Variants in RCAN2 observed in about 807,000 individuals in gnomAD.
RCAN2 encodes regulator of calcineurin 2, also known as calcipressin-2.
RCAN2 carries 9 observed loss-of-function variants against 23.6 expected under a neutral mutation model. The observed-to-expected ratio is 0.38, with a 90% confidence interval of 0.23 to 0.67. The LOEUF is 0.67. Among genes scored for constraint, RCAN2 ranks in the 30% least tolerant of loss-of-function variants. The pLI, the probability that RCAN2 is intolerant of heterozygous loss-of-function variation, is 0.51. For missense variants in RCAN2, 273 were observed against 302.3 expected (o/e 0.90, Z 0.72); for synonymous variants, 109 against 115.7 (o/e 0.94, Z 0.37).
In RCAN2 at chr6:46,268,063, A is replaced by T. The variant is rs569623949; in HGVS notation, c.226-19167T>A. ...CATATATGCAATAAACAAAAAATAAATTTACAAGAACAGTTAGTGACTCTC... is the reference window on the plus strand; with the variant it reads ...CATATATGCAATAAACAAAAAATAATTTTACAAGAACAGTTAGTGACTCTC... On this transcript the variant is annotated intron_variant, in intron 2 of 4. Coordinates refer to ENST00000371374, the MANE Select transcript of RCAN2 (RefSeq NM_001251974.2). Among the ~76,000 whole-genome samples the T allele has an allele frequency of 3.9e-5, 6 of 152,328 alleles. No homozygotes were observed. The South Asian group carries it at 1.2e-3, about 32-fold the overall frequency.
chr6:46,227,761 G>C (rs1398462335), intron 4 of RCAN2, among the ~76,000 whole-genome samples: 4 of 152,038 alleles, frequency 2.6e-5, no homozygotes, highest in South Asian at 2.1e-4. Flanking sequence ...TTTTTTGAAG[G>C]GTTTTTTTGT....
intron 4 of RCAN2, among the ~76,000 whole-genome samples, chr6:46,239,881 T>C (rs543335597): frequency 6.6e-6 from 1 of 152,062 alleles, no homozygotes; most frequent in African/African-American, 2.4e-5. Flanking sequence ...CCAAAGTACT[T>C]TATGGGATCA....
At chr6:46,444,869 A>T (rs957793048) in intron 2 of RCAN2, among the ~76,000 whole-genome samples, 2 of 152,054 alleles carry the variant, frequency 1.3e-5, no homozygotes, top group Non-Finnish European at 2.9e-5. Context: ...GCCTCCCTTC[A>T]TGTACTTAGC....
chr6:46,335,666 T>C (rs1397174473), intron 2 of RCAN2, among the ~76,000 whole-genome samples: 2 of 152,184 alleles, frequency 1.3e-5, no homozygotes, highest in Non-Finnish European at 1.5e-5. Flanking sequence ...AAAGACAACC[T>C]TGGTAGGGAT....
intron 2 of RCAN2, among the ~76,000 whole-genome samples, chr6:46,413,423 A>G (rs993360356): frequency 5.9e-5 from 9 of 152,158 alleles, no homozygotes; most frequent in Non-Finnish European, 1.3e-4. Flanking sequence ...TTTTTATGTG[A>G]AATTCCCTTC....
chr6:46,362,426 A>G (rs916258760), intron 2 of RCAN2, among the ~76,000 whole-genome samples: 1 of 152,098 alleles, frequency 6.6e-6, no homozygotes, highest in Non-Finnish European at 1.5e-5. Context: ...ATATAATATA[A>G]GGTATTATAA....
At chr6:46,312,499 C>G (rs971981509) in intron 2 of RCAN2, among the ~76,000 whole-genome samples, 2 of 152,138 alleles carry the variant, frequency 1.3e-5, no homozygotes, top group Non-Finnish European at 1.5e-5. Flanking sequence ...AGGGCAGGAA[C>G]CAGGGTTTGG....
chr6:46,224,161 G>T (rs1765569449), intron 4 of RCAN2, among the ~76,000 whole-genome samples: 1 of 152,160 alleles, frequency 6.6e-6, no homozygotes, highest in African/African-American at 2.4e-5. Flanking sequence ...ACTGGCAGCT[G>T]ATCTGGGTCT....
At chr6:46,488,539 CTAAAA>C (rs1769055082) in intron 1 of RCAN2, among the ~76,000 whole-genome samples, 1 of 152,184 alleles carries the variant, frequency 6.6e-6, no homozygotes, top group African/African-American at 2.4e-5. Flanking sequence ...TCCTTCTTCT[CTAAAA>C]GCAACCTTAC....
chr6:46,450,497 T>C (rs1767844149), intron 2 of RCAN2, among the ~76,000 whole-genome samples: 1 of 152,076 alleles, frequency 6.6e-6, no homozygotes, highest in Admixed American at 6.5e-5. Context: ...TGCTCTCCAT[T>C]ATTCATCGCA....
chr6:46,229,640 C>T (rs1052524153), intron 4 of RCAN2, among the ~76,000 whole-genome samples: 2 of 152,192 alleles, frequency 1.3e-5, no homozygotes, highest in South Asian at 2.1e-4. Context: ...AACGTCTTCT[C>T]TATGCTGTTT....
chr6:46,281,182 A>C (rs1767899392), intron 2 of RCAN2, among the ~76,000 whole-genome samples: 1 of 152,160 alleles, frequency 6.6e-6, no homozygotes, highest in Admixed American at 6.5e-5. Flanking sequence ...GGCAGTAGGG[A>C]ATTAGCTTGA....
chr6:46,350,561 G>A (rs1311169826), intron 2 of RCAN2, among the ~76,000 whole-genome samples: 1 of 152,174 alleles, frequency 6.6e-6, no homozygotes, highest in Non-Finnish European at 1.5e-5. Flanking sequence ...CTGGGCATTT[G>A]GCTCTATGTG....
intron 2 of RCAN2, among the ~76,000 whole-genome samples, chr6:46,447,505 C>A (rs1767750345): frequency 6.6e-6 from 1 of 151,872 alleles, no homozygotes; most frequent in Non-Finnish European, 1.5e-5. Flanking sequence ...ACCTAACAGA[C>A]ATATACAAAA....
chr6:46,288,077 C>T (rs1762428783), intron 2 of RCAN2, among the ~76,000 whole-genome samples: 1 of 152,112 alleles, frequency 6.6e-6, no homozygotes, highest in Non-Finnish European at 1.5e-5. Context: ...GAGCGTTCTT[C>T]CTAATTAAGG....
chr6:46,422,245 C>T lies in RCAN2; in HGVS notation c.225+34507G>A, dbSNP rs145273766. ...AAAAAGAGCCTGGCACCTCCCCGGC[C>T]CAGCCCTCTCTGGCCTCCTTTCTAG... On this transcript the variant is annotated intron_variant, in intron 2 of 4. Coordinates refer to ENST00000371374, the MANE Select transcript of RCAN2 (RefSeq NM_001251974.2). Among the ~76,000 whole-genome samples, 968 of 152,238 alleles carry T rather than the reference C, an allele frequency of 6.4e-3. 10 individuals carry two copies. Among genetic ancestry groups the T allele is most frequent in the African/African-American group, 0.022 (929 of 41,514 alleles).
chr6:46,325,133 C>T (rs962302904), intron 2 of RCAN2, among the ~76,000 whole-genome samples: 1 of 152,164 alleles, frequency 6.6e-6, no homozygotes, highest in African/African-American at 2.4e-5. Context: ...AATGTGTCTA[C>T]TCAGAAAGGA....
At chr6:46,417,919 A>T (rs1447576660) in intron 2 of RCAN2, among the ~76,000 whole-genome samples, 1 of 152,228 alleles carries the variant, frequency 6.6e-6, no homozygotes, top group Non-Finnish European at 1.5e-5. Context: ...GAGAAAACTG[A>T]GGCTTAGATT....
chr6:46,275,719 G>A (rs1767672804), intron 2 of RCAN2, among the ~76,000 whole-genome samples: 1 of 152,180 alleles, frequency 6.6e-6, no homozygotes, highest in South Asian at 2.1e-4. Context: ...TGAGACACAG[G>A]CTCTTCTCCA....
Sources: gnomAD v4.1 joint callset for allele counts (sites outside exome capture counted in the v4.1 genomes callset) on GRCh38, gnomAD v4.1.1 for gene constraint, MANE v1.5 for transcripts, NCBI Gene and HGNC (gene_info 2026-07-23, HGNC 2026-07-21) for gene names.